ATXN7L1: variants seen among roughly 807,000 people sequenced by gnomAD.
ATXN7L1 encodes the protein ataxin 7 like 1, also known as ataxin-7-like protein 1.
Under a neutral mutation model 70.8 loss-of-function variants are expected in ATXN7L1, and 15 were observed. The ratio of observed to expected loss-of-function variants is 0.21; its 90% confidence interval spans 0.14 to 0.33. The LOEUF (loss-of-function observed/expected upper bound fraction) is 0.33. Ranked by LOEUF, ATXN7L1 falls within the 10% of genes least tolerant of loss-of-function variation. ATXN7L1 has a pLI of 1.00. For synonymous variants in ATXN7L1, 440 were observed against 445.1 expected (o/e 0.99, Z 0.14); for missense variants, 975 against 1,097.1 (o/e 0.89, Z 1.57).
At chr7:105,869,173 A>ATC (rs930834231) in intron 2 of ATXN7L1, among the ~76,000 whole-genome samples, 87 of 152,250 alleles carry the variant, frequency 5.7e-4, no homozygotes, top group Middle Eastern at 6.8e-3. Flanking sequence ...AAGCCGCTCC[A>ATC]TCTCTCCCAT....
At chr7:105,824,223 C>T (rs1248400066) in intron 2 of ATXN7L1, among the ~76,000 whole-genome samples, 1 of 152,168 alleles carries the variant, frequency 6.6e-6, no homozygotes, top group African/African-American at 2.4e-5. Flanking sequence ...ATGATGAGTT[C>T]GCAATGTAAT....
At chr7:105,815,117 C>T (rs545261439) in intron 2 of ATXN7L1, among the ~76,000 whole-genome samples, 17 of 152,216 alleles carry the variant, frequency 1.1e-4, no homozygotes, top group African/African-American at 3.9e-4. Flanking sequence ...CACTCTTACA[C>T]GTATATAAAG....
At chr7:105,714,585 A>G (rs552750808) in intron 3 of ATXN7L1, among the ~76,000 whole-genome samples, 65 of 152,330 alleles carry the variant, frequency 4.3e-4, no homozygotes, top group African/African-American at 1.5e-3. Context: ...GGGTCCCCTG[A>G]GGGACAGGGA....
chr7:105,783,902 C>T (rs1476476854), intron 3 of ATXN7L1, among the ~76,000 whole-genome samples: 1 of 152,104 alleles, frequency 6.6e-6, no homozygotes, highest in Non-Finnish European at 1.5e-5. Flanking sequence ...AGTGGGGACA[C>T]AGTTTTGTGG....
At chr7:105,636,019 G>A (rs1193719653) in intron 7 of ATXN7L1, among the ~76,000 whole-genome samples, 1 of 152,114 alleles carries the variant, frequency 6.6e-6, no homozygotes, top group African/African-American at 2.4e-5. Flanking sequence ...CTAAGTGCAG[G>A]ACATTTTCCT....
intron 3 of ATXN7L1, among the ~76,000 whole-genome samples, chr7:105,688,881 T>C (rs1191725359): frequency 6.6e-6 from 1 of 152,244 alleles, no homozygotes; most frequent in Non-Finnish European, 1.5e-5. Flanking sequence ...ACTCCTTTTA[T>C]CAGCTTACTT....
At chr7:105,634,648 G>A (rs536149396) in intron 7 of ATXN7L1, among the ~76,000 whole-genome samples, 7 of 152,060 alleles carry the variant, frequency 4.6e-5, no homozygotes, top group Admixed American at 1.3e-4. Context: ...GAGCCACTGC[G>A]CCTGGCCTCA....
At chr7:105,737,022 T>C (rs1797454898) in intron 3 of ATXN7L1, among the ~76,000 whole-genome samples, 2 of 152,334 alleles carry the variant, frequency 1.3e-5, no homozygotes, top group South Asian at 4.1e-4. Flanking sequence ...ATCTATCTGG[T>C]TTTTGAAGAC....
chr7:105,690,269 T>G (rs1790596224), intron 3 of ATXN7L1, among the ~76,000 whole-genome samples: 1 of 152,032 alleles, frequency 6.6e-6, no homozygotes, highest in Non-Finnish European at 1.5e-5. Context: ...CCTCCCAAAG[T>G]GCTGGGATTA....
rs184401179 is a variant in ATXN7L1 at position 105,624,248 on chromosome 7, T to C, written c.1222A>G (p.Ile408Val). The stretch of plus-strand genomic sequence containing the variant: ...TGATTTGAAGATGTGCTGCTGCTTA[T>C]GCTATTTGCAGATGATGGTCTAAGG... The part of the protein sequence containing the change: ...VLPRPSSANS[I>V]SSSTSSNHSG... The change falls in exon 8 of 12, where the codon ATA (isoleucine) becomes GTA (valine). Residue 408 changes from isoleucine to valine, a missense_variant. By Grantham distance (29) the Ile-to-Val change is conservative. Coordinates refer to ENST00000419735, the MANE Select transcript of ATXN7L1 (RefSeq NM_020725.2). The C allele has an allele frequency of 3.5e-3, 5,130 of 1,450,020 alleles. 10 individuals are homozygous for C. Among genetic ancestry groups the C allele is most frequent in the Admixed American group, 5.0e-3 (195 of 39,018 alleles). The allele number at this position is 1,450,020 out of a possible 1,614,324, so 89.8% of individuals were successfully genotyped here. A position where few individuals can be genotyped will look rare whatever the true frequency, so the allele number is the denominator to read the frequency against.
chr7:105,768,464 T>G (rs1801565597), intron 3 of ATXN7L1, among the ~76,000 whole-genome samples: 1 of 152,214 alleles, frequency 6.6e-6, no homozygotes, highest in African/African-American at 2.4e-5. Flanking sequence ...TCAAGTTGTA[T>G]CTGTGCCTGT....
chr7:105,858,461 T>C (rs1816060698), intron 2 of ATXN7L1, among the ~76,000 whole-genome samples: 1 of 152,176 alleles, frequency 6.6e-6, no homozygotes. Flanking sequence ...AAGAAATAAC[T>C]GATCCAGGCA....
rs115937799 is a variant in ATXN7L1 at position 105,777,945 on chromosome 7, C to T, written c.355+10659G>A. On this transcript the variant is annotated intron_variant, in intron 3 of 11. Coordinates refer to ENST00000419735, the MANE Select transcript of ATXN7L1 (RefSeq NM_020725.2). ...GTTCTCTGCTGGGACACTCTTGTGA[C>T]AGCTTTTCACATGGCTTGATCATGT... Among the ~76,000 whole-genome samples the T allele has an allele frequency of 2.2e-3, 341 of 152,320 alleles. 2 individuals carry two copies. Among genetic ancestry groups the T allele is most frequent in the African/African-American group, 7.7e-3 (320 of 41,552 alleles).
In ATXN7L1 at chr7:105,693,941, A is replaced by AGGAGCAGGGGAGGAAGAAGTCG. The variant is rs1351329219; in HGVS notation, c.356-28675_356-28654dup. On this transcript the variant is annotated intron_variant, in intron 3 of 11. Coordinates refer to ENST00000419735, the MANE Select transcript of ATXN7L1 (RefSeq NM_020725.2). ...AACTTAGCACATCCAAGACCAAGGA[A>AGGAGCAGGGGAGGAAGAAGTCG]GGAGCAGGGGAGGAAGAAGTCGGGA... Among the ~76,000 whole-genome samples the AGGAGCAGGGGAGGAAGAAGTCG allele has an allele frequency of 7.9e-5, 12 of 152,300 alleles. No homozygotes were observed. In the East Asian group the frequency reaches 2.3e-3, roughly 29 times the overall value.
Position 105,653,912 on chromosome 7 carries a change from G to A in ATXN7L1, c.579-10791C>T, listed in dbSNP as rs149233916. 4.9e-3 allele frequency among the ~76,000 whole-genome samples: 750 copies of A among 152,202 alleles called. 4 individuals carry two copies. The highest frequency in any genetic ancestry group is 0.017 in the African/African-American group (703 of 41,522). On this transcript the variant is annotated intron_variant, in intron 4 of 11. Transcript: ENST00000419735. ...AACACTCCCCCATCTGTCCAGATCCGGAGGAAACATCCTCTTCTCTCCCAG... is the reference window on the plus strand; with the variant it reads ...AACACTCCCCCATCTGTCCAGATCCAGAGGAAACATCCTCTTCTCTCCCAG...
intron 2 of ATXN7L1, among the ~76,000 whole-genome samples, chr7:105,811,162 G>A (rs1049061544): frequency 2.6e-5 from 4 of 152,200 alleles, no homozygotes; most frequent in Non-Finnish European, 5.9e-5. Flanking sequence ...ATTAGGGTGG[G>A]CCTTAATCCA....
At chr7:105,733,569 TCCATCCATCCAC>T in intron 3 of ATXN7L1, among the ~76,000 whole-genome samples, 1 of 59,116 alleles carries the variant, frequency 1.7e-5, no homozygotes, top group African/African-American at 7.4e-5. Flanking sequence ...CATCCATCCT[TCCATCCATCCAC>T]CCATCCATCC....
intron 3 of ATXN7L1, among the ~76,000 whole-genome samples, chr7:105,712,609 G>C (rs192981599): frequency 6.6e-6 from 1 of 152,170 alleles, no homozygotes; most frequent in Admixed American, 6.5e-5. Context: ...CCTAGGGCAG[G>C]GGGGAAATGC....
rs1584918691 is a variant in ATXN7L1, at chr7:105,751,029, C to T, written c.355+37575G>A. Among the ~76,000 whole-genome samples the T allele has an allele frequency of 2.0e-5, 3 of 152,254 alleles. No individual in the cohort carries two copies. The South Asian group carries it at 6.2e-4, about 32-fold the overall frequency. On this transcript the variant is annotated intron_variant, in intron 3 of 11. Coordinates refer to ENST00000419735, the MANE Select transcript of ATXN7L1 (RefSeq NM_020725.2). ...CTGTAATAATGGCATAGGATTATAT[C>T]ATTAGAATGATGAATGTATCTTGAC...
Sources: allele counts gnomAD v4.1 joint callset (sites outside exome capture counted in the v4.1 genomes callset), GRCh38; gene constraint gnomAD v4.1.1; transcripts MANE v1.5; gene names NCBI Gene and HGNC (gene_info 2026-07-23, HGNC 2026-07-21).